The following DIPK1A variants were observed in gnomAD, a reference collection of about 807,000 sequenced individuals.
DIPK1A encodes divergent protein kinase domain 1A, also known as family with sequence similarity 69 member A.
Under a neutral mutation model 40.8 loss-of-function variants are expected in DIPK1A, and 27 were observed. The ratio of observed to expected loss-of-function variants is 0.66; its 90% CI spans 0.49 to 0.91. The LOEUF is 0.91. DIPK1A is among the 40% of genes least tolerant of loss of function. DIPK1A has a pLI of 0.00. For synonymous variants in DIPK1A, 166 were observed against 171.3 expected (o/e 0.97, Z 0.24); for missense variants, 412 against 505.7 (o/e 0.81, Z 1.78).
chr1:92,894,045 A>T (rs1014772181), intron 1 of DIPK1A, among the ~76,000 whole-genome samples: 3 of 152,032 alleles, frequency 2.0e-5, no homozygotes, highest in Non-Finnish European at 2.9e-5. Flanking sequence ...CTCCCACACA[A>T]TAATAATGGG....
chr1:92,923,031 G>A (rs749567896), intron 1 of DIPK1A, among the ~76,000 whole-genome samples: 9 of 151,930 alleles, frequency 5.9e-5, no homozygotes, highest in Non-Finnish European at 1.3e-4. Context: ...ACTGTCTTCA[G>A]TTTATATCTT....
chr1:92,840,647 G>A (rs907325546), downstream of DIPK1A: 26 of 1,599,406 alleles, frequency 1.6e-5, no homozygotes, highest in Admixed American at 3.3e-5. Flanking sequence ...GAGGTATGTC[G>A]TCTTTTTTTT....
intron 1 of DIPK1A, among the ~76,000 whole-genome samples, chr1:92,899,417 C>T (rs140111220): frequency 4.1e-4 from 62 of 152,304 alleles, no homozygotes; most frequent in African/African-American, 1.4e-3. Flanking sequence ...TCCATCCCTT[C>T]ACTTTCAGTC....
intron 1 of DIPK1A, among the ~76,000 whole-genome samples, chr1:92,948,748 CAT>C (rs1651499660): frequency 7.4e-6 from 1 of 135,898 alleles, no homozygotes; most frequent in Non-Finnish European, 1.6e-5. Flanking sequence ...TGTATATATA[CAT>C]ATATATGTAT....
chr1:92,876,972 G>C, intron 1 of DIPK1A: 1 of 985,008 alleles, frequency 1.0e-6, no homozygotes, highest in Non-Finnish European at 1.2e-6. Context: ...AGGGCTTTAT[G>C]TTCCTCTTGT....
intron 2 of DIPK1A, among the ~76,000 whole-genome samples, chr1:92,875,161 C>T (rs149111035): frequency 1.1e-3 from 165 of 151,754 alleles, no homozygotes; most frequent in African/African-American, 3.6e-3. Context: ...TCCAGGTTTC[C>T]GTCTTATGTT....
chr1:92,868,674 T>C (rs1168167148), intron 2 of DIPK1A, among the ~76,000 whole-genome samples: 1 of 152,094 alleles, frequency 6.6e-6, no homozygotes, highest in Non-Finnish European at 1.5e-5. Flanking sequence ...AATAAGAACG[T>C]AAGCTCCTTG....
chr1:92,915,888 T>TA (rs1016071605), intron 1 of DIPK1A, among the ~76,000 whole-genome samples: 2 of 151,872 alleles, frequency 1.3e-5, no homozygotes, highest in African/African-American at 2.4e-5. Flanking sequence ...ATCAAGTAGA[T>TA]AAAAAAAATA....
chr1:92,888,519 A>G (rs1017048128), intron 1 of DIPK1A, among the ~76,000 whole-genome samples: 1 of 152,162 alleles, frequency 6.6e-6, no homozygotes, highest in African/African-American at 2.4e-5. Flanking sequence ...TCTTCAACAT[A>G]CTGATTACCT....
At chr1:92,846,846 T>C (rs1687639945) in intron 4 of DIPK1A, among the ~76,000 whole-genome samples, 1 of 1,282 alleles carries the variant, frequency 7.8e-4, no homozygotes, top group African/African-American at 6.0e-3. Flanking sequence ...TATATATGTG[T>C]GTATATATAT....
chr1:92,854,859 T>C (rs1395970348), intron 2 of DIPK1A, among the ~76,000 whole-genome samples: 1 of 152,320 alleles, frequency 6.6e-6, no homozygotes, highest in East Asian at 1.9e-4. Flanking sequence ...CATTGGCATG[T>C]TTCTTCCTTG....
intron 1 of DIPK1A, among the ~76,000 whole-genome samples, chr1:92,937,003 A>G (rs1262442135): frequency 6.6e-6 from 1 of 152,256 alleles, no homozygotes; most frequent in Non-Finnish European, 1.5e-5. Context: ...CCCACTAGCT[A>G]CCAAGAGTTT....
At chr1:92,883,795 G>A (rs1480278794) in intron 1 of DIPK1A, among the ~76,000 whole-genome samples, 3 of 152,110 alleles carry the variant, frequency 2.0e-5, no homozygotes, top group African/African-American at 7.2e-5. Flanking sequence ...ATTAATATAG[G>A]AGAGGACCAC....
intron 1 of DIPK1A, among the ~76,000 whole-genome samples, chr1:92,888,495 A>G (rs1443685119): frequency 6.6e-6 from 1 of 152,162 alleles, no homozygotes; most frequent in Non-Finnish European, 1.5e-5. Context: ...AATAAATATA[A>G]GAGTACAGAT....
chr1:92,845,198 C>T (rs1216348836), intron 4 of DIPK1A, among the ~76,000 whole-genome samples: 1 of 151,046 alleles, frequency 6.6e-6, no homozygotes, highest in South Asian at 2.1e-4. Flanking sequence ...CCATCCGTCT[C>T]GGCTTCCCAA....
chr1:92,836,087 C>A, intron 4 of DIPK1A: 2 of 1,087,006 alleles, frequency 1.8e-6, no homozygotes, highest in Non-Finnish European at 2.8e-6. Flanking sequence ...AGGAAATTTT[C>A]TTTTCCAGAT....
intron 1 of DIPK1A, among the ~76,000 whole-genome samples, chr1:92,903,091 A>G (rs1649483476): frequency 6.6e-6 from 1 of 152,024 alleles, no homozygotes; most frequent in South Asian, 2.1e-4. Flanking sequence ...ATCTCACTCT[A>G]TTGCCCAGGC....
intron 1 of DIPK1A, among the ~76,000 whole-genome samples, chr1:92,891,182 T>G (rs1036943597): frequency 6.6e-6 from 1 of 152,170 alleles, no homozygotes; most frequent in Non-Finnish European, 1.5e-5. Context: ...TTTTCATTTC[T>G]GATTTTATTT....
intron 1 of DIPK1A, among the ~76,000 whole-genome samples, chr1:92,920,838 G>A (rs1650241808): frequency 6.6e-6 from 1 of 152,196 alleles, no homozygotes; most frequent in Non-Finnish European, 1.5e-5. Context: ...ACCAGCTGAA[G>A]AACCAAACCA....
Sources: allele counts gnomAD v4.1 joint callset (sites outside exome capture counted in the v4.1 genomes callset), GRCh38; gene constraint gnomAD v4.1.1; transcripts MANE v1.5; gene names NCBI Gene and HGNC (gene_info 2026-07-23, HGNC 2026-07-21).